The following MGAT5 variants were observed in gnomAD, a reference collection of about 807,000 sequenced individuals.
The protein encoded by MGAT5 is alpha-1,6-mannosylglycoprotein 6-beta-N-acetylglucosaminyltransferase, also known as alpha-1,6-mannosylglycoprotein 6-beta-N-acetylglucosaminyltransferase A.
MGAT5 carries 30 observed loss-of-function variants against 94.3 expected under a neutral mutation model. The ratio of observed to expected loss-of-function variants is 0.32; its 90% CI spans 0.24 to 0.43. MGAT5 has a LOEUF of 0.43. Among genes scored for constraint, MGAT5 ranks in the 20% least tolerant of loss-of-function variants. The pLI, the probability that MGAT5 is intolerant of heterozygous loss-of-function variation, is 1.00. For missense variants in MGAT5, 691 were observed against 905.5 expected, an observed-to-expected ratio of 0.76 and a Z score of 3.04; for synonymous variants, 310 against 322.9, an observed-to-expected ratio of 0.96 and a Z score of 0.43.
At chr2:134,232,111 A>G (rs1192999151) in intron 1 of MGAT5, among the ~76,000 whole-genome samples, 1 of 151,804 alleles carries the variant, frequency 6.6e-6, no homozygotes, top group Non-Finnish European at 1.5e-5. Flanking sequence ...GTCTTCCCTC[A>G]TTCCTTCCAG....
chr2:134,313,577 A>G (rs981382480), intron 2 of MGAT5, among the ~76,000 whole-genome samples: 1 of 152,194 alleles, frequency 6.6e-6, no homozygotes, highest in African/African-American at 2.4e-5. Flanking sequence ...CATTGCTTAC[A>G]CTTAAAATTT....
intron 1 of MGAT5, among the ~76,000 whole-genome samples, chr2:134,220,094 C>A (rs1336680263): frequency 6.6e-6 from 1 of 152,184 alleles, no homozygotes; most frequent in Non-Finnish European, 1.5e-5. Context: ...TACCCCTGTT[C>A]TTGGAAGGAG....
intron 1 of MGAT5, among the ~76,000 whole-genome samples, chr2:134,269,056 G>C (rs1683874993): frequency 6.6e-6 from 1 of 152,192 alleles, no homozygotes; most frequent in African/African-American, 2.4e-5. Flanking sequence ...GTAAAACGGA[G>C]TCACATCTAC....
chr2:134,418,410 C>T (rs940576324), intron 12 of MGAT5, among the ~76,000 whole-genome samples: 2 of 152,194 alleles, frequency 1.3e-5, no homozygotes, highest in Non-Finnish European at 2.9e-5. Flanking sequence ...TCAACAGTCG[C>T]TCAGCAAGTG....
At chr2:134,426,654 T>A (rs1167093693) in intron 13 of MGAT5, among the ~76,000 whole-genome samples, 1 of 152,032 alleles carries the variant, frequency 6.6e-6, no homozygotes, top group Non-Finnish European at 1.5e-5. Context: ...AGGAAACTTA[T>A]CTCTAGGCCA....
chr2:134,197,076 G>C (rs1474277790), intron 1 of MGAT5, among the ~76,000 whole-genome samples: 1 of 152,152 alleles, frequency 6.6e-6, no homozygotes, highest in Non-Finnish European at 1.5e-5. Context: ...ACTGTGCCAG[G>C]TACTGGGATG....
At chr2:134,187,060 A>C (rs778695704) in intron 1 of MGAT5, among the ~76,000 whole-genome samples, 17 of 152,190 alleles carry the variant, frequency 1.1e-4, no homozygotes, top group Non-Finnish European at 1.0e-4. Flanking sequence ...GCCTTGAGGC[A>C]GGAACAAACT....
At chr2:134,343,846 A>G (rs1420262017) in intron 7 of MGAT5, among the ~76,000 whole-genome samples, 1 of 152,146 alleles carries the variant, frequency 6.6e-6, no homozygotes, top group Non-Finnish European at 1.5e-5. Context: ...TCTTCATTCC[A>G]CAACGGGAGA....
chr2:134,121,350 G>A (rs1174616395), intron 1 of MGAT5, among the ~76,000 whole-genome samples: 1 of 152,248 alleles, frequency 6.6e-6, no homozygotes, highest in African/African-American at 2.4e-5. Context: ...CAGGGTGCAA[G>A]GGGGTGTGTG....
Position 134,294,195 on chromosome 2 carries a change from T to C in MGAT5, c.407-23334T>C, listed in dbSNP as rs971852029. Among the ~76,000 whole-genome samples the C allele has an allele frequency of 3.9e-4, 60 of 152,196 alleles. 1 individual carries two copies. Among genetic ancestry groups the C allele is most frequent in the African/African-American group, 1.4e-3 (57 of 41,440 alleles). ...ACTGTTTTAGGCATCATCAGGTAAATAAGGCATCCATTGTTCTCTGCGGTT... is the reference window on the plus strand; with the variant it reads ...ACTGTTTTAGGCATCATCAGGTAAACAAGGCATCCATTGTTCTCTGCGGTT... On this transcript the variant is annotated intron_variant, in intron 2 of 15. Coordinates refer to ENST00000281923, the MANE Select transcript of MGAT5 (RefSeq NM_002410.5).
At chr2:134,378,371 G>T (rs186702605) in intron 10 of MGAT5, among the ~76,000 whole-genome samples, 2 of 152,198 alleles carry the variant, frequency 1.3e-5, no homozygotes, top group African/African-American at 4.8e-5. Flanking sequence ...CTCTGTCTGT[G>T]CTTTACCTTC....
chr2:134,406,866 G>C (rs1212925208), intron 11 of MGAT5, among the ~76,000 whole-genome samples: 1 of 152,158 alleles, frequency 6.6e-6, no homozygotes, highest in Non-Finnish European at 1.5e-5. Context: ...ACTCCAGCCT[G>C]AGTGACAGAG....
intron 12 of MGAT5, among the ~76,000 whole-genome samples, chr2:134,420,383 C>T (rs943100763): frequency 1.3e-5 from 2 of 152,106 alleles, no homozygotes; most frequent in Admixed American, 1.3e-4. Flanking sequence ...AGAGCTGAGC[C>T]GAGGAAGACA....
chr2:134,373,838 A>G (rs1295896517), intron 10 of MGAT5, among the ~76,000 whole-genome samples: 1 of 152,186 alleles, frequency 6.6e-6, no homozygotes, highest in East Asian at 1.9e-4. Flanking sequence ...TCAGCTGGGG[A>G]AGGAGAACTG....
intron 1 of MGAT5, among the ~76,000 whole-genome samples, chr2:134,198,770 A>G (rs1357048353): frequency 5.3e-5 from 8 of 152,176 alleles, no homozygotes; most frequent in Non-Finnish European, 1.2e-4. Context: ...CACTTTGGGA[A>G]CCACTGCTTT....
chr2:134,361,343 T>C (rs1680086889), intron 9 of MGAT5, among the ~76,000 whole-genome samples: 1 of 152,216 alleles, frequency 6.6e-6, no homozygotes, highest in Non-Finnish European at 1.5e-5. Flanking sequence ...CTTCATTTAA[T>C]ATCAGCCACA....
chr2:134,303,876 A>G (rs1238391346), intron 2 of MGAT5, among the ~76,000 whole-genome samples: 1 of 152,124 alleles, frequency 6.6e-6, no homozygotes, highest in African/African-American at 2.4e-5. Flanking sequence ...TACCTTCCAG[A>G]CTTGATAGTC....
At chr2:134,196,402 T>TAA (rs11405614) in intron 1 of MGAT5, among the ~76,000 whole-genome samples, 108 of 145,796 alleles carry the variant, frequency 7.4e-4, no homozygotes, top group Admixed American at 1.6e-3. Context: ...TCTTAAGGCT[T>TAA]AAAAAAAAAA....
chr2:134,395,401 G>A (rs1209378373), intron 10 of MGAT5, among the ~76,000 whole-genome samples: 1 of 152,222 alleles, frequency 6.6e-6, no homozygotes, highest in Non-Finnish European at 1.5e-5. Flanking sequence ...GACCCACACT[G>A]ACCAGTTCGG....
Sources: gnomAD v4.1 joint callset for allele counts (sites outside exome capture counted in the v4.1 genomes callset) on GRCh38, gnomAD v4.1.1 for gene constraint, MANE v1.5 for transcripts, NCBI Gene and HGNC (gene_info 2026-07-23, HGNC 2026-07-21) for gene names.